The following GRSF1 variants were observed in gnomAD, a reference collection of about 807,000 sequenced individuals.
GRSF1 encodes the protein G-rich RNA sequence binding factor 1.
A neutral mutation model predicts 51.1 loss-of-function variants in GRSF1; 50 were observed. That is an observed-to-expected ratio of 0.98 (90% CI 0.78 to 1.24). The LOEUF is 1.24. GRSF1 is among the 50% of genes most tolerant of loss of function. The pLI is 0.00. For missense variants in GRSF1, 700 were observed against 639.7 expected (o/e 1.09, Z -1.02); for synonymous variants, 293 against 253.3 (o/e 1.16, Z -1.49).
At chr4:70,827,411 T>C (rs1205532645) in intron 6 of GRSF1, among the ~76,000 whole-genome samples, 2 of 152,202 alleles carry the variant, frequency 1.3e-5, no homozygotes, top group Non-Finnish European at 2.9e-5. Context: ...GCTTTTGATA[T>C]AGTTAATAAA....
chr4:70,831,823 CAA>C (rs1578303531), intron 4 of GRSF1, 149 bp from the exon 5 acceptor site: 1 of 603,706 alleles, frequency 1.7e-6, no homozygotes, highest in South Asian at 2.5e-5. Context: ...ATTATGCAGT[CAA>C]AAGTCAGTCA....
chr4:70,839,579 G>A lies in GRSF1; in HGVS notation c.249C>T (p.Ala83=), dbSNP rs1239039582. 1.4e-6 allele frequency: 2 copies of A among 1,420,936 alleles called. No homozygotes were observed. The highest frequency in any genetic ancestry group is 2.7e-5 in the Admixed American group (1 of 36,606). 88.0% of individuals were successfully genotyped at this position (1,420,936 alleles called of 1,614,324 possible). A position where few individuals can be genotyped will look rare whatever the true frequency, so the allele number is the denominator to read the frequency against. ...CGGCGGCCGCGGCCGCGGCAGAGGT[G>A]GCCACAGCGGGAGGCCCCGCCAGCC... ...PGRLAGPPAV[A]TSAAAAAAAS... Residue 83 remains alanine (A), a synonymous_variant, in exon 1 of 10, where the codon GCC becomes GCT. Coordinates refer to ENST00000254799, the MANE Select transcript of GRSF1 (RefSeq NM_002092.4).
intron 9 of GRSF1, among the ~76,000 whole-genome samples, chr4:70,823,213 A>G (rs1026283161): frequency 3.9e-5 from 6 of 152,060 alleles, no homozygotes; most frequent in African/African-American, 1.4e-4. Flanking sequence ...CATGACCAAC[A>G]TGGAGAAACC....
chr4:70,835,521 A>G (rs1332966223), intron 2 of GRSF1, among the ~76,000 whole-genome samples: 2 of 144,294 alleles, frequency 1.4e-5, no homozygotes, highest in Admixed American at 1.4e-4. Flanking sequence ...CAGTGGCACC[A>G]TCTCGGCTCA....
rs771811907 is a variant in GRSF1 at position 70,839,789 on chromosome 4, C to T, written c.39G>A (p.Arg13=). The T allele has an allele frequency of 6.6e-7, 1 of 1,505,400 alleles. No individual in the cohort carries two copies. Among genetic ancestry groups the T allele is most frequent in the South Asian group, 1.2e-5 (1 of 82,262 alleles). 93.3% of individuals were successfully genotyped at this position (1,505,400 alleles called of 1,614,324 possible). A position where few individuals can be genotyped will look rare whatever the true frequency, so the allele number is the denominator to read the frequency against. The change falls in exon 1 of 10, where the codon CGG becomes CGA. Residue 13 remains arginine (R), a synonymous_variant. Coordinates refer to ENST00000254799, the MANE Select transcript of GRSF1 (RefSeq NM_002092.4). ...GTRWVLGALL[R]GCGCNCSSCR... is the part of the protein sequence containing the mutation. Reference sequence around the variant, plus strand: ...AGCTGCTGCAGTTACAGCCGCAGCCCCGGAGCAGCGCCCCGAGTACCCAGC... The same window carrying T: ...AGCTGCTGCAGTTACAGCCGCAGCCTCGGAGCAGCGCCCCGAGTACCCAGC...
At chr4:70,829,340 GTTTT>G (rs1430861797) in intron 5 of GRSF1, among the ~76,000 whole-genome samples, 4 of 32,812 alleles carry the variant, frequency 1.2e-4, no homozygotes, top group African/African-American at 1.4e-4. Context: ...CTCTACAAAA[GTTTT>G]TTTTTGTTTT....
At chr4:70,841,488 G>A (rs1377109431), upstream of GRSF1, among the ~76,000 whole-genome samples, 1 of 152,100 alleles carries the variant, frequency 6.6e-6, no homozygotes. Context: ...TAAAAAATAA[G>A]AGAAAGCTAG....
intron 5 of GRSF1, 96 bp from the exon 6 acceptor site, chr4:70,828,132 G>T: frequency 1.2e-6 from 1 of 860,914 alleles, no homozygotes. Context: ...ATTTCCAACA[G>T]CTTATGAAAC....
intron 9 of GRSF1, among the ~76,000 whole-genome samples, chr4:70,821,294 G>C (rs943853224): frequency 6.6e-6 from 1 of 151,994 alleles, no homozygotes; most frequent in Non-Finnish European, 1.5e-5. Flanking sequence ...GTGTGGTGGC[G>C]CATGCCTGTA....
rs540346984 is a variant in GRSF1, at chr4:70,817,081, A to G, written c.*3806T>C. 22 of 152,362 alleles carry G rather than the reference A, an allele frequency of 1.4e-4. No individual in the cohort carries two copies. Among genetic ancestry groups the G allele is most frequent in the African/African-American group, 2.4e-4 (10 of 41,592 alleles). 9.4% of individuals were successfully genotyped at this position (152,362 alleles called of 1,614,324 possible). A position where few individuals can be genotyped will look rare whatever the true frequency, so the allele number is the denominator to read the frequency against. On this transcript the variant is annotated 3_prime_UTR_variant, in exon 10 of 10. Coordinates refer to ENST00000254799, the MANE Select transcript of GRSF1 (RefSeq NM_002092.4). The stretch of plus-strand genomic sequence containing the variant: ...CACTGCAAGCTTACACTAGAAACTG[A>G]TAACAGGGCTGTGCGAGAATAGAAA...
In GRSF1 at chr4:70,827,945, TAGC is replaced by T. The variant is rs763151371; in HGVS notation, c.1039_1041del (p.Ala347del). 2 of 1,608,010 alleles carry T rather than the reference TAGC, an allele frequency of 1.2e-6. No homozygotes were observed. The highest frequency in any genetic ancestry group is 1.7e-6 in the Non-Finnish European group (2 of 1,174,458). On this transcript the variant is annotated inframe_deletion, in exon 6 of 10. Coordinates refer to ENST00000254799, the MANE Select transcript of GRSF1 (RefSeq NM_002092.4). ...ACCATTTCTGGCTCAGTTATATACTTAGCAGTAGGAAAAGATGCGATTTTCTTT... is the reference window on the plus strand; with the variant it reads ...ACCATTTCTGGCTCAGTTATATACTTAGTAGGAAAAGATGCGATTTTCTTT...
At chr4:70,839,371 C>A in intron 1 of GRSF1, 100 bp downstream of exon 1, 5 of 1,504,170 alleles carry the variant, frequency 3.3e-6, no homozygotes, top group Non-Finnish European at 4.4e-6. Context: ...GATCCCCGGG[C>A]GTGCCCGCGA....
chr4:70,827,638 C>T (rs976519297), intron 6 of GRSF1, among the ~76,000 whole-genome samples: 1 of 151,942 alleles, frequency 6.6e-6, no homozygotes, highest in African/African-American at 2.4e-5. Context: ...ATTGGCTGCG[C>T]GTGGCGGCAT....
Position 70,832,432 on chromosome 4 carries a change from T to C in GRSF1, c.689A>G (p.Glu230Gly). 1 of 1,606,256 alleles carries C rather than the reference T, an allele frequency of 6.2e-7. No homozygotes were observed. The highest frequency in any genetic ancestry group is 8.5e-7 in the Non-Finnish European group (1 of 1,172,936). The change falls in exon 4 of 10, where the codon GAA (glutamate) becomes GGA (glycine). Residue 230 changes from glutamate (E) to glycine (G), a missense_variant. By Grantham distance (98) the Glu-to-Gly change is moderately conservative. Transcript: ENST00000254799. ...RYVEVYEINNEDVDALMKSLQ... is the reference protein window; with the variant it reads ...RYVEVYEINNGDVDALMKSLQ... ...GCTCTTCATTAAGGCATCCACATCT[T>C]CATTGTTTATCTCATATACTACGAA...
Position 70,839,845 on chromosome 4 carries a change from CAGGGCCTG to C in GRSF1, c.-26_-19del, listed in dbSNP as rs1734395023. On this transcript the variant is annotated 5_prime_UTR_variant, in exon 1 of 10. Coordinates refer to ENST00000254799, the MANE Select transcript of GRSF1 (RefSeq NM_002092.4). ...CCGGCCATGGACTCCGGAGGCGGCG[CAGGGCCTG>C]AAGGCAGCTGCTCCAGCAGCGATGG... 6.8e-7 allele frequency: 1 copy of C among 1,480,130 alleles called. No homozygotes were observed. Among genetic ancestry groups the C allele is most frequent in the Non-Finnish European group, 8.9e-7 (1 of 1,123,848 alleles). The allele number at this position is 1,480,130 out of a possible 1,614,324, so 91.7% of individuals were successfully genotyped here.
chr4:70,831,761 A>C, intron 4 of GRSF1, 87 bp from the exon 5 acceptor site: 3 of 1,258,540 alleles, frequency 2.4e-6, no homozygotes, highest in Non-Finnish European at 3.3e-6. Context: ...TAAAATTTTT[A>C]TTCTGTTTTG....
At chr4:70,832,719 G>A (rs977743234) in intron 3 of GRSF1, among the ~76,000 whole-genome samples, 16 of 152,226 alleles carry the variant, frequency 1.1e-4, no homozygotes, top group Non-Finnish European at 2.4e-4. Context: ...AGGCCAAGGC[G>A]GGTGGATTAC....
chr4:70,826,259 C>G lies in GRSF1; in HGVS notation c.1136-14G>C, dbSNP rs1487411381. 1 of 1,589,608 alleles carries G rather than the reference C, an allele frequency of 6.3e-7. No homozygotes were observed. Among genetic ancestry groups the G allele is most frequent in the South Asian group, 1.1e-5 (1 of 87,462 alleles). On this transcript the variant is annotated splice_polypyrimidine_tract_variant and intron_variant, in intron 6 of 9. Transcript: ENST00000254799. ...CCTTAGGCAATTCTGAGAGGTGGAACAGAAAGCACTGTTAAAACATAACAG... is the reference window on the plus strand; with the variant it reads ...CCTTAGGCAATTCTGAGAGGTGGAAGAGAAAGCACTGTTAAAACATAACAG...
chr4:70,827,879 T>G lies in GRSF1; in HGVS notation c.1108A>C (p.Thr370Pro). The G allele has an allele frequency of 6.2e-7, 1 of 1,612,956 alleles. No individual in the cohort carries two copies. The highest frequency in any genetic ancestry group is 8.5e-7 in the Non-Finnish European group (1 of 1,179,258). Residue 370 changes from threonine to proline, a missense_variant, in exon 6 of 10, where the codon ACA (threonine) becomes CCA (proline). Thr to Pro is a conservative substitution (Grantham distance 38). Transcript: ENST00000254799. ...ATTTCCTTCTCACTTTCAAAAGCTG[T>G]CATGGGTTGAATATCCTCATTTACT... ...HEVNEDIQPM[T>P]AFESEKEIEL...
Sources: allele counts gnomAD v4.1 joint callset (sites outside exome capture counted in the v4.1 genomes callset), GRCh38; gene constraint gnomAD v4.1.1; transcripts MANE v1.5; gene names NCBI Gene and HGNC (gene_info 2026-07-23, HGNC 2026-07-21).